The following EBF1 variants were observed in gnomAD, a reference collection of about 807,000 sequenced individuals.
EBF1 encodes transcription factor COE1.
A neutral mutation model predicts 68.4 loss-of-function variants in EBF1; 10 were observed. The observed-to-expected ratio is 0.15, with a 90% CI of 0.09 to 0.25. The LOEUF is 0.25. EBF1 is among the 10% of genes least tolerant of loss of function. EBF1 has a pLI of 1.00. For synonymous variants in EBF1, 298 were observed against 299.8 expected, an observed-to-expected ratio of 0.99 and a Z score of 0.06; for missense variants, 509 against 794.4, an observed-to-expected ratio of 0.64 and a Z score of 4.32.
At chr5:159,060,945 C>G (rs1775678854) in intron 6 of EBF1, among the ~76,000 whole-genome samples, 1 of 147,792 alleles carries the variant, frequency 6.8e-6, no homozygotes, top group Non-Finnish European at 1.5e-5. Flanking sequence ...CACACACACA[C>G]ACACACACAC....
chr5:158,807,830 G>A (rs774842046), intron 8 of EBF1, among the ~76,000 whole-genome samples: 1 of 152,120 alleles, frequency 6.6e-6, no homozygotes, highest in African/African-American at 2.4e-5. Context: ...GATTTTTATT[G>A]TCATGCAAGA....
intron 6 of EBF1, among the ~76,000 whole-genome samples, chr5:159,067,886 A>C (rs1038344457): frequency 2.0e-5 from 3 of 152,270 alleles, no homozygotes; most frequent in African/African-American, 7.2e-5. Flanking sequence ...CCAAAAACAC[A>C]ATAATTATCC....
intron 6 of EBF1, among the ~76,000 whole-genome samples, chr5:158,877,423 C>T (rs754277591): frequency 1.3e-5 from 2 of 152,092 alleles, no homozygotes; most frequent in Non-Finnish European, 2.9e-5. Context: ...GCAAAAATTT[C>T]TCTCATACTT....
chr5:159,018,951 T>C (rs542198051), intron 6 of EBF1: 1 of 152,330 alleles, frequency 6.6e-6, no homozygotes, highest in South Asian at 2.1e-4. Flanking sequence ...AGTCTGAGCA[T>C]TCACTCACCT....
chr5:158,961,231 C>T (rs1053097050), intron 6 of EBF1, among the ~76,000 whole-genome samples: 2 of 152,058 alleles, frequency 1.3e-5, no homozygotes, highest in Non-Finnish European at 2.9e-5. Flanking sequence ...AACAGTATAA[C>T]CTTTTTGGAG....
intron 6 of EBF1, among the ~76,000 whole-genome samples, chr5:159,062,190 G>A (rs905907324): frequency 2.0e-5 from 3 of 152,178 alleles, no homozygotes; most frequent in African/African-American, 7.2e-5. Flanking sequence ...TAAAATAAGG[G>A]AGAACTTCCT....
intron 10 of EBF1, among the ~76,000 whole-genome samples, chr5:158,736,937 C>T (rs747479537): frequency 6.6e-6 from 1 of 152,196 alleles, no homozygotes; most frequent in Non-Finnish European, 1.5e-5. Context: ...CATTTCCAGC[C>T]ATTTGGATAT....
intron 5 of EBF1, among the ~76,000 whole-genome samples, chr5:159,083,688 T>A (rs138947198): frequency 6.6e-6 from 1 of 152,332 alleles, no homozygotes; most frequent in Non-Finnish European, 1.5e-5. Flanking sequence ...ATAAAGCCCA[T>A]CCATGCTGAG....
At chr5:158,782,449 A>G (rs1174254205) in intron 9 of EBF1, among the ~76,000 whole-genome samples, 1 of 152,114 alleles carries the variant, frequency 6.6e-6, no homozygotes, top group Non-Finnish European at 1.5e-5. Context: ...ACTTGAGCCC[A>G]GGAATTTGAG....
intron 7 of EBF1, among the ~76,000 whole-genome samples, chr5:158,834,993 G>GA (rs1554152248): frequency 6.6e-6 from 1 of 152,202 alleles, no homozygotes; most frequent in East Asian, 1.9e-4. Context: ...GGAGACCAGA[G>GA]TTTTTTTGTG....
chr5:158,764,717 A>G (rs781518189), intron 10 of EBF1, among the ~76,000 whole-genome samples: 4 of 152,216 alleles, frequency 2.6e-5, no homozygotes, highest in Non-Finnish European at 2.9e-5. Context: ...AGAAGCCCCC[A>G]GTCTAACTAG....
intron 9 of EBF1, among the ~76,000 whole-genome samples, chr5:158,782,656 C>G (rs962890053): frequency 6.6e-6 from 1 of 151,682 alleles, no homozygotes; most frequent in Non-Finnish European, 1.5e-5. Context: ...GCAAGACTGT[C>G]TCAGAAAAAA....
rs186299083 is a variant in EBF1 at position 158,870,060 on chromosome 5, C to A, written c.555-29950G>T. ...GTATCAACAAGCAGTGCACTTCATGCCAAAACAAAGTTTTTTTTCCAAAGC... is the reference window on the plus strand; with the variant it reads ...GTATCAACAAGCAGTGCACTTCATGACAAAACAAAGTTTTTTTTCCAAAGC... On this transcript the variant is annotated intron_variant, in intron 6 of 15. Coordinates refer to ENST00000313708, the MANE Select transcript of EBF1 (RefSeq NM_024007.5). Among the ~76,000 whole-genome samples, 206 of 152,268 alleles carry A rather than the reference C, an allele frequency of 1.4e-3. 1 individual carries two copies. The highest frequency in any genetic ancestry group is 1.5e-3 in the Non-Finnish European group (101 of 68,016).
chr5:158,808,757 G>T (rs1782055494), intron 8 of EBF1, among the ~76,000 whole-genome samples: 1 of 152,128 alleles, frequency 6.6e-6, no homozygotes, highest in Non-Finnish European at 1.5e-5. Context: ...GTAGGAGAAG[G>T]AGAAGGAAAA....
chr5:159,013,966 AT>A lies in EBF1; in HGVS notation c.554+59429del, dbSNP rs1317191022. 2.0e-5 allele frequency among the ~76,000 whole-genome samples: 3 copies of A among 152,260 alleles called. No homozygotes were observed. The South Asian group carries it at 6.2e-4, about 32-fold the overall frequency. ...ATATAAATATAGATCCAGATGTGAA[AT>A]TTCCCAATTAGCCCACTCCTTTAAA... On this transcript the variant is annotated intron_variant, in intron 6 of 15. Coordinates refer to ENST00000313708, the MANE Select transcript of EBF1 (RefSeq NM_024007.5).
intron 7 of EBF1, among the ~76,000 whole-genome samples, chr5:158,824,913 C>A (rs1785709545): frequency 1.3e-5 from 2 of 152,252 alleles, no homozygotes; most frequent in Admixed American, 6.5e-5. Context: ...ATGAACACAT[C>A]ACCCATACTA....
intron 6 of EBF1, among the ~76,000 whole-genome samples, chr5:159,035,710 AAATT>A (rs1368259336): frequency 6.6e-6 from 1 of 152,202 alleles, no homozygotes; most frequent in Non-Finnish European, 1.5e-5. Flanking sequence ...ATCAGATCCC[AAATT>A]ATTTTATATG....
intron 3 of EBF1, 51 bp downstream of exon 3, chr5:159,096,292 G>T (rs1782592164): frequency 4.4e-6 from 7 of 1,584,764 alleles, no homozygotes; most frequent in Middle Eastern, 1.9e-4. Flanking sequence ...TGCGCCCCCT[G>T]CCCAGACCCG....
Position 158,815,212 on chromosome 5 carries a change from C to G in EBF1, c.778+7964G>C, listed in dbSNP as rs919818940. On this transcript the variant is annotated intron_variant, in intron 8 of 15. Coordinates refer to ENST00000313708, the MANE Select transcript of EBF1 (RefSeq NM_024007.5). ...CCCTCTCTTTAGCCTTGGTTTTCTCCTCTTTACAACAGGGTACTTATAGCA... is the reference window on the plus strand; with the variant it reads ...CCCTCTCTTTAGCCTTGGTTTTCTCGTCTTTACAACAGGGTACTTATAGCA... Among the ~76,000 whole-genome samples, 3 of 152,090 alleles carry G rather than the reference C, an allele frequency of 2.0e-5. No homozygotes were observed. In the South Asian group the frequency reaches 6.2e-4, roughly 31 times the overall value.
Sources: gnomAD v4.1 joint callset for allele counts (sites outside exome capture counted in the v4.1 genomes callset) on GRCh38, gnomAD v4.1.1 for gene constraint, MANE v1.5 for transcripts, NCBI Gene and HGNC (gene_info 2026-07-23, HGNC 2026-07-21) for gene names.